PAN3: variants seen among roughly 807,000 people sequenced by gnomAD.
PAN3 encodes the protein PAN2-PAN3 deadenylation complex subunit PAN3.
In PAN3, 19 loss-of-function variants were observed where a neutral mutation model predicts 96.2. That is an observed-to-expected ratio of 0.20 (90% confidence interval 0.14 to 0.29). The LOEUF (loss-of-function observed/expected upper bound fraction) is 0.29. Ranked by LOEUF, PAN3 falls within the 10% of genes least tolerant of loss-of-function variation. The pLI is 1.00. For missense variants in PAN3, 882 were observed against 1,108.1 expected (o/e 0.80, Z 2.90); for synonymous variants, 433 against 406.6 (o/e 1.06, Z -0.78).
rs745410659 is a variant in PAN3, at chr13:28,295,044, G to C, written c.*2522G>C. ...CTTTCCACACCTTCCTGTCGTGACA[G>C]ATAAAAGCACAGAAAGGACAACCCT... On this transcript the variant is annotated 3_prime_UTR_variant, in exon 19 of 19. Coordinates refer to ENST00000380958, the MANE Select transcript of PAN3 (RefSeq NM_175854.8). The C allele has an allele frequency of 2.6e-5, 4 of 152,204 alleles. No individual in the cohort carries two copies. The highest frequency in any genetic ancestry group is 5.9e-5 in the Non-Finnish European group (4 of 68,020). The allele number at this position is 152,204 out of a possible 1,614,324, so 9.4% of individuals were successfully genotyped here. A position where few individuals can be genotyped will look rare whatever the true frequency, so the allele number is the denominator to read the frequency against.
At chr13:28,211,308 A>T (rs548460562) in intron 5 of PAN3, among the ~76,000 whole-genome samples, 1 of 152,150 alleles carries the variant, frequency 6.6e-6, no homozygotes, top group Non-Finnish European at 1.5e-5. Context: ...GCTTTTCCAG[A>T]TAATTCACTG....
intron 7 of PAN3, among the ~76,000 whole-genome samples, chr13:28,257,839 T>C (rs1268356344): frequency 2.0e-5 from 3 of 147,580 alleles, no homozygotes; most frequent in African/African-American, 7.5e-5. Flanking sequence ...TTGAGATGGA[T>C]GTTCGCTATT....
At chr13:28,199,908 A>C (rs1878499754) in intron 5 of PAN3, among the ~76,000 whole-genome samples, 1 of 152,188 alleles carries the variant, frequency 6.6e-6, no homozygotes, top group Non-Finnish European at 1.5e-5. Context: ...AAAATATTTT[A>C]TGTTAATAAT....
At position 28,138,657 on chromosome 13, in the gene PAN3, C is replaced by A. The variant is rs1434594025; in HGVS notation, c.-1C>A. The A allele has an allele frequency of 4.6e-6, 3 of 653,654 alleles. No homozygotes were observed. 40.5% of individuals were successfully genotyped at this position (653,654 alleles called of 1,614,324 possible). On this transcript the variant is annotated 5_prime_UTR_variant, in exon 1 of 19. Transcript: ENST00000380958. Reference sequence around the variant, plus strand: ...GCGGAAGACGAGGCTGCGGCGTTGCCATGAACAGTGGCGGCGGCCTCCCGC... The same window carrying A: ...GCGGAAGACGAGGCTGCGGCGTTGCAATGAACAGTGGCGGCGGCCTCCCGC...
At chr13:28,283,671 A>G (rs1415703213) in intron 17 of PAN3, among the ~76,000 whole-genome samples, 1 of 152,256 alleles carries the variant, frequency 6.6e-6, no homozygotes, top group Non-Finnish European at 1.5e-5. Flanking sequence ...GCACTATTCA[A>G]AATAGTTTAC....
chr13:28,138,917 C>T lies in PAN3; in HGVS notation c.260C>T (p.Pro87Leu). 1 of 1,372,650 alleles carries T rather than the reference C, an allele frequency of 7.3e-7. No homozygotes were observed. Among genetic ancestry groups the T allele is most frequent in the Non-Finnish European group, 9.4e-7 (1 of 1,065,516 alleles). The allele number at this position is 1,372,650 out of a possible 1,614,324, so 85.0% of individuals were successfully genotyped here. ...PGLGLHSNSVPLALAGAPVAG... is the reference protein window; with the variant it reads ...PGLGLHSNSVLLALAGAPVAG... Reference sequence around the variant, plus strand: ...CTCGGCCTCCATAGCAACAGCGTCCCCCTGGCTCTGGCTGGTGCACCCGTG... The same window carrying T: ...CTCGGCCTCCATAGCAACAGCGTCCTCCTGGCTCTGGCTGGTGCACCCGTG... The change falls in exon 1 of 19, where the codon CCC becomes CTC. Residue 87 changes from proline (P) to leucine (L), a missense_variant. By Grantham distance (98) the Pro-to-Leu change is moderately conservative (BLOSUM62 -3). This residue lies in a region of PAN3 where 442 missense variants were observed against 422.8 expected (regional missense o/e 1.05). Coordinates refer to ENST00000380958, the MANE Select transcript of PAN3 (RefSeq NM_175854.8).
intron 6 of PAN3, among the ~76,000 whole-genome samples, chr13:28,248,798 A>AG (rs1884448351): frequency 6.6e-6 from 1 of 152,182 alleles, no homozygotes; most frequent in Non-Finnish European, 1.5e-5. Flanking sequence ...GCTGGGCCAG[A>AG]GGAAAGGCTT....
At chr13:28,142,874 A>G (rs1182722323) in intron 1 of PAN3, among the ~76,000 whole-genome samples, 2 of 152,134 alleles carry the variant, frequency 1.3e-5, no homozygotes, top group Non-Finnish European at 2.9e-5. Flanking sequence ...GATGACTTTT[A>G]TATCTAGGCA....
chr13:28,161,672 G>C (rs190039796), intron 1 of PAN3, among the ~76,000 whole-genome samples: 120 of 152,300 alleles, frequency 7.9e-4, no homozygotes, highest in Non-Finnish European at 1.5e-3. Context: ...TGGAGCTTCG[G>C]AGTTAGGTAG....
At chr13:28,180,335 C>T (rs1875604689) in intron 4 of PAN3, among the ~76,000 whole-genome samples, 1 of 152,148 alleles carries the variant, frequency 6.6e-6, no homozygotes, top group Non-Finnish European at 1.5e-5. Flanking sequence ...GTGTAATCTA[C>T]AGACACAGAG....
At chr13:28,266,478 T>G (rs1886188616) in intron 9 of PAN3, among the ~76,000 whole-genome samples, 1 of 152,194 alleles carries the variant, frequency 6.6e-6, no homozygotes, top group Non-Finnish European at 1.5e-5. Flanking sequence ...AAAGGAAATG[T>G]TTTTGAATGT....
rs1221467472 is a variant in PAN3, at chr13:28,295,104, G to A, written c.*2582G>A. 8 of 152,142 alleles carry A rather than the reference G, an allele frequency of 5.3e-5. No homozygotes were observed. The East Asian group carries it at 1.5e-3, about 29-fold the overall frequency. The allele number at this position is 152,142 out of a possible 1,614,324, so 9.4% of individuals were successfully genotyped here. Reference sequence around the variant, plus strand: ...GTAACGTTGGTCATTTCAATATTTTGTACCTGTTTTAAATTCTGTTAGTGT... The same window carrying A: ...GTAACGTTGGTCATTTCAATATTTTATACCTGTTTTAAATTCTGTTAGTGT... On this transcript the variant is annotated 3_prime_UTR_variant, in exon 19 of 19. Transcript: ENST00000380958.
chr13:28,197,055 T>G, intron 4 of PAN3, 130 bp from the exon 5 acceptor site: 1 of 1,153,072 alleles, frequency 8.7e-7, no homozygotes, highest in Non-Finnish European at 1.2e-6. Context: ...GTAAGGATAT[T>G]AGAAGGAGTG....
rs558960372 is a variant in PAN3, at chr13:28,240,476, T to C, written c.1001-15816T>C. Among the ~76,000 whole-genome samples the C allele has an allele frequency of 1.1e-4, 17 of 152,314 alleles. No homozygotes were observed. In the South Asian group the frequency reaches 2.5e-3, roughly 22 times the overall value. On this transcript the variant is annotated intron_variant, in intron 6 of 18. Transcript: ENST00000380958. ...AGATTATAAATGTATAAATTTTATT[T>C]TAATCATTTGAAAGTTGGGATGGTT...
chr13:28,181,792 T>C (rs1464031531), intron 4 of PAN3, among the ~76,000 whole-genome samples: 1 of 152,216 alleles, frequency 6.6e-6, no homozygotes, highest in East Asian at 1.9e-4. Context: ...TTTCTAATTA[T>C]CTTTATTTTA....
At chr13:28,229,043 A>T (rs1228225668) in intron 6 of PAN3, among the ~76,000 whole-genome samples, 1 of 152,218 alleles carries the variant, frequency 6.6e-6, no homozygotes. Context: ...GGGGAAGAGC[A>T]TGAAGGAGCA....
chr13:28,263,030 A>G (rs974964071), intron 9 of PAN3, among the ~76,000 whole-genome samples: 1 of 152,230 alleles, frequency 6.6e-6, no homozygotes, highest in African/African-American at 2.4e-5. Flanking sequence ...GTCAAAGCAT[A>G]ACTTCCAGTC....
rs748274539 is a variant in PAN3, at chr13:28,256,419, T to C, written c.1128T>C (p.Ser376=). The part of the protein sequence containing the change: ...PASYMVPSSA[S]TSVNNPVSQT... ...GTTACATGGTGCCTTCTAGTGCCTC[T>C]ACATCTGTTAATAATCCTGTTTCTC... Residue 376 remains serine (S), a synonymous_variant, in exon 7 of 19, where the codon TCT becomes TCC. Transcript: ENST00000380958. 13 of 1,614,130 alleles carry C rather than the reference T, an allele frequency of 8.1e-6. No homozygotes were observed. In the East Asian group the frequency reaches 2.9e-4, roughly 36 times the overall value.
rs1868832389 is a variant in PAN3, at chr13:28,285,216, C to A, written c.2385-2768C>A. Among the ~76,000 whole-genome samples the A allele has an allele frequency of 2.0e-5, 3 of 152,132 alleles. No individual in the cohort carries two copies. In the South Asian group the frequency reaches 6.2e-4, roughly 32 times the overall value. On this transcript the variant is annotated intron_variant, in intron 17 of 18. Coordinates refer to ENST00000380958, the MANE Select transcript of PAN3 (RefSeq NM_175854.8). ...GTTTGGGTCGTTTTCAGTAAATTCTCTTTGAGTTTCCCAGGTGTTATCTGC... is the reference window on the plus strand; with the variant it reads ...GTTTGGGTCGTTTTCAGTAAATTCTATTTGAGTTTCCCAGGTGTTATCTGC...
Sources: allele counts gnomAD v4.1 joint callset (sites outside exome capture counted in the v4.1 genomes callset), GRCh38; gene constraint gnomAD v4.1.1; regional missense constraint gnomAD v4.1.1; transcripts MANE v1.5; gene names NCBI Gene and HGNC (gene_info 2026-07-23, HGNC 2026-07-21).